Variants in CFAP69 observed in about 807,000 individuals in gnomAD.
The protein encoded by CFAP69 is cilia- and flagella-associated protein 69.
A neutral mutation model predicts 123.0 loss-of-function variants in CFAP69; 92 were observed. The observed-to-expected ratio is 0.75, with a 90% confidence interval of 0.63 to 0.89. The LOEUF is 0.89. Ranked by LOEUF, CFAP69 falls within the 40% of genes least tolerant of loss-of-function variation. The probability of loss-of-function intolerance (pLI) is 0.00; values close to 1 mark genes in which losing one functional copy is unlikely to be tolerated. For missense variants in CFAP69, 1,067 were observed against 1,096.9 expected, an observed-to-expected ratio of 0.97 and a Z score of 0.39; for synonymous variants, 380 against 364.3, an observed-to-expected ratio of 1.04 and a Z score of -0.49.
the CFAP69 span, chr7:90,317,532 A>C: frequency 7.0e-6 from 1 of 142,952 alleles, no homozygotes; most frequent in African/African-American, 2.5e-5. Flanking sequence ...TCTGCTACTC[A>C]TGCAAAATTG....
At chr7:90,261,070 T>G (rs772668011) in intron 3 of CFAP69, among the ~76,000 whole-genome samples, 8 of 149,972 alleles carry the variant, frequency 5.3e-5, no homozygotes, top group Non-Finnish European at 1.2e-4. Flanking sequence ...AATGTGTTTA[T>G]GTGCCAATAG....
In CFAP69 at chr7:90,279,825, T is replaced by C. The variant is rs1789191377; in HGVS notation, c.1304T>C (p.Ile435Thr). 3 of 1,613,174 alleles carry C rather than the reference T, an allele frequency of 1.9e-6. No individual in the cohort carries two copies. In the African/African-American group the frequency reaches 4.0e-5, roughly 22 times the overall value. Residue 435 changes from isoleucine (I) to threonine (T), a missense_variant, in exon 12 of 23, where the codon ATA (isoleucine) becomes ACA (threonine). Ile to Thr is a moderately conservative substitution (Grantham distance 89). Coordinates refer to ENST00000389297, the MANE Select transcript of CFAP69 (RefSeq NM_001039706.3). ...ATLSSVAPLL[I>T]EEYMSCQGNA... ...TTGTCATCAGTGGCTCCTTTATTAA[T>C]AGAAGAATACATGTCATGCCAGGGA... is the stretch of plus-strand genomic sequence containing the variant.
rs766336830 is a variant in CFAP69 at position 90,304,777 on chromosome 7, A to T, written c.2222A>T (p.Asp741Val). Residue 741 changes from aspartate to valine, a missense_variant, in exon 19 of 23, where the codon GAT (aspartate) becomes GTT (valine). Asp to Val is a radical substitution (Grantham distance 152). Coordinates refer to ENST00000389297, the MANE Select transcript of CFAP69 (RefSeq NM_001039706.3). ...FENLPGLSAEDFVTLCIIHRY... is the reference protein window; with the variant it reads ...FENLPGLSAEVFVTLCIIHRY... ...AATTTACCTGGCCTATCTGCTGAAG[A>T]TTTTGTCACCCTTTGTATCATACAT... 7 of 1,587,532 alleles carry T rather than the reference A, an allele frequency of 4.4e-6. No homozygotes were observed. The African/African-American group carries it at 9.4e-5, about 21-fold the overall frequency.
intron 9 of CFAP69, among the ~76,000 whole-genome samples, chr7:90,274,816 T>C (rs1788349548): frequency 6.6e-6 from 1 of 152,226 alleles, no homozygotes; most frequent in South Asian, 2.1e-4. Flanking sequence ...GTATTTGTTC[T>C]GCTTAGGTTT....
chr7:90,315,217 A>G (rs536695892), downstream of CFAP69, among the ~76,000 whole-genome samples: 1 of 152,264 alleles, frequency 6.6e-6, no homozygotes, highest in African/African-American at 2.4e-5. Flanking sequence ...AGAGCTAAAA[A>G]CAGAACTACT....
chr7:90,286,890 C>A (rs1049354152), intron 14 of CFAP69, among the ~76,000 whole-genome samples: 7 of 151,776 alleles, frequency 4.6e-5, no homozygotes, highest in African/African-American at 1.7e-4. Flanking sequence ...GAGTTTGAGA[C>A]CAGCCTGGCC....
In CFAP69 at chr7:90,271,643, T is replaced by C. The variant is rs1799968545; in HGVS notation, c.650T>C (p.Val217Ala). The change falls in exon 7 of 23, where the codon GTA becomes GCA. Residue 217 changes from valine (V) to alanine (A), a missense_variant. Coordinates refer to ENST00000389297, the MANE Select transcript of CFAP69 (RefSeq NM_001039706.3). ...LENQLVEKLW[V>A]LKVLQHLSTS... ...AATCAACTTGTTGAGAAACTTTGGG[T>C]ACTTAAAGTTCTGCAGCATCTCTCA... 6.2e-7 allele frequency: 1 copy of C among 1,613,664 alleles called. No individual in the cohort carries two copies. The highest frequency in any genetic ancestry group is 2.2e-5 in the East Asian group (1 of 44,862).
In CFAP69 at chr7:90,307,703, G is replaced by A. The variant is rs942546800; in HGVS notation, c.2464-65G>A. 1.0e-5 allele frequency: 10 copies of A among 1,002,352 alleles called. No homozygotes were observed. In the African/African-American group the frequency reaches 1.4e-4, roughly 14 times the overall value. The allele number at this position is 1,002,352 out of a possible 1,614,324, so 62.1% of individuals were successfully genotyped here. On this transcript the variant is annotated intron_variant, in intron 20 of 22. Coordinates refer to ENST00000389297, the MANE Select transcript of CFAP69 (RefSeq NM_001039706.3). ...GACTCCAGCCTGGGTGACAGAGTGA[G>A]GTTCTGTCTCAAAAAAAAAAAAGAA...
At chr7:90,315,740 C>A (rs556827517), downstream of CFAP69, among the ~76,000 whole-genome samples, 7 of 151,952 alleles carry the variant, frequency 4.6e-5, no homozygotes, top group Non-Finnish European at 1.0e-4. Context: ...GTATGTGTAC[C>A]CCTGAACCTA....
At chr7:90,263,501 T>C (rs539582376) in intron 4 of CFAP69, among the ~76,000 whole-genome samples, 57 of 152,314 alleles carry the variant, frequency 3.7e-4, no homozygotes, top group African/African-American at 1.4e-3. Context: ...ATCTTATAGA[T>C]TGTGTCCTTT....
rs767294381 is a variant in CFAP69, at chr7:90,304,805, A to G, written c.2250A>G (p.Arg750=). The part of the protein sequence containing the change: ...EDFVTLCIIH[R]YLDFKIGEIW... ...TTGTCACCCTTTGTATCATACATAG[A>G]TATCTTGATTTTAAAGTAAGTATCT... is the stretch of plus-strand genomic sequence containing the variant. Residue 750 remains arginine (R), a synonymous_variant, in exon 19 of 23, where the codon AGA becomes AGG. Transcript: ENST00000389297. The G allele has an allele frequency of 2.0e-6, 3 of 1,501,582 alleles. No homozygotes were observed. Among genetic ancestry groups the G allele is most frequent in the Admixed American group, 1.8e-5 (1 of 54,358 alleles). The allele number at this position is 1,501,582 out of a possible 1,614,324, so 93.0% of individuals were successfully genotyped here. A position where few individuals can be genotyped will look rare whatever the true frequency, so the allele number is the denominator to read the frequency against.
intron 15 of CFAP69, among the ~76,000 whole-genome samples, chr7:90,295,551 T>C (rs1232545152): frequency 6.6e-6 from 1 of 152,146 alleles, no homozygotes; most frequent in Non-Finnish European, 1.5e-5. Flanking sequence ...TACCCAATAT[T>C]AGCCTTTGAG....
At position 90,309,297 on chromosome 7, in the gene CFAP69, C is replaced by A; in HGVS notation, c.2585C>A (p.Ala862Asp). 1 of 1,579,832 alleles carries A rather than the reference C, an allele frequency of 6.3e-7. No individual in the cohort carries two copies. Among genetic ancestry groups the A allele is most frequent in the Non-Finnish European group, 8.6e-7 (1 of 1,163,906 alleles). ...AKSLQEKAIE[A>D]SRYHKRPQNA... Reference sequence around the variant, plus strand: ...AGCCTTCAAGAAAAAGCTATAGAAGCCTCCAGATACCATAAACGACCACAA... The same window carrying A: ...AGCCTTCAAGAAAAAGCTATAGAAGACTCCAGATACCATAAACGACCACAA... The change falls in exon 22 of 23, where the codon GCC becomes GAC. Residue 862 changes from alanine (A) to aspartate (D), a missense_variant. By Grantham distance (126) the Ala-to-Asp change is moderately radical (BLOSUM62 -2). Coordinates refer to ENST00000389297, the MANE Select transcript of CFAP69 (RefSeq NM_001039706.3).
chr7:90,323,623 A>G, the CFAP69 span, among the ~76,000 whole-genome samples: 1 of 152,216 alleles, frequency 6.6e-6, no homozygotes, highest in African/African-American at 2.4e-5. Context: ...GAAGAGAGAA[A>G]AAAGCACAGC....
chr7:90,322,745 T>A, the CFAP69 span, among the ~76,000 whole-genome samples: 1 of 152,180 alleles, frequency 6.6e-6, no homozygotes, highest in African/African-American at 2.4e-5. Context: ...AATGCATTTT[T>A]AAAGAATATT....
chr7:90,286,730 T>TG, intron 14 of CFAP69, among the ~76,000 whole-genome samples: 1 of 152,166 alleles, frequency 6.6e-6, no homozygotes, highest in Non-Finnish European at 1.5e-5. Flanking sequence ...TTTATATCAA[T>TG]GGAATCGCAC....
At chr7:90,289,368 T>C (rs1035102197) in intron 15 of CFAP69, among the ~76,000 whole-genome samples, 3 of 152,098 alleles carry the variant, frequency 2.0e-5, no homozygotes, top group Non-Finnish European at 2.9e-5. Flanking sequence ...TGCCAGTGTC[T>C]CTTTGTAGTT....
intron 17 of CFAP69, chr7:90,300,779 T>G (rs1792688667): frequency 6.5e-6 from 1 of 153,468 alleles, no homozygotes; most frequent in Non-Finnish European, 1.4e-5. Flanking sequence ...GCCTCCCAAG[T>G]AGCTGGGACT....
intron 16 of CFAP69, 69 bp downstream of exon 16, chr7:90,297,899 A>T (rs1219664026): frequency 4.0e-6 from 4 of 1,006,642 alleles, no homozygotes; most frequent in Non-Finnish European, 4.5e-6. Context: ...TCCAAACTGA[A>T]TGCCACAGAG....
Sources: gnomAD v4.1 joint callset for allele counts (sites outside exome capture counted in the v4.1 genomes callset) on GRCh38, gnomAD v4.1.1 for gene constraint, MANE v1.5 for transcripts, NCBI Gene and HGNC (gene_info 2026-07-23, HGNC 2026-07-21) for gene names.